NEO1: variants seen among roughly 807,000 people sequenced by gnomAD.
The protein encoded by NEO1 is neogenin 1, also known as neogenin.
Under a neutral mutation model 159.7 loss-of-function variants are expected in NEO1, and 63 were observed. The observed-to-expected ratio is 0.39, with a 90% confidence interval of 0.32 to 0.49. NEO1 has a LOEUF of 0.49. Among genes scored for constraint, NEO1 ranks in the 20% least tolerant of loss-of-function variants. The pLI is 0.85. For missense variants in NEO1, 1,615 were observed against 1,831.0 expected (o/e 0.88, Z 2.15); for synonymous variants, 633 against 662.0 (o/e 0.96, Z 0.67).
chr15:73,191,231 A>G (rs1019141277), intron 7 of NEO1, among the ~76,000 whole-genome samples: 11 of 152,218 alleles, frequency 7.2e-5, no homozygotes, highest in Admixed American at 6.5e-4. Flanking sequence ...GTTACCTATA[A>G]CTCTAAACAG....
intron 15 of NEO1, among the ~76,000 whole-genome samples, chr15:73,262,320 G>A (rs1462873672): frequency 6.6e-6 from 1 of 152,028 alleles, no homozygotes; most frequent in Non-Finnish European, 1.5e-5. Context: ...AAAATGAAAA[G>A]GCAAGCCACA....
intron 1 of NEO1, among the ~76,000 whole-genome samples, chr15:73,072,286 A>G (rs544728700): frequency 2.0e-5 from 3 of 151,960 alleles, no homozygotes; most frequent in South Asian, 4.2e-4. Context: ...GTGAAATGTC[A>G]TTAGAATTTG....
intron 6 of NEO1, among the ~76,000 whole-genome samples, chr15:73,177,212 T>C (rs1176996743): frequency 6.6e-6 from 1 of 152,136 alleles, no homozygotes; most frequent in Non-Finnish European, 1.5e-5. Context: ...TACCTACTAT[T>C]ATCATCAATA....
chr15:73,239,938 C>T (rs984833419), intron 8 of NEO1, among the ~76,000 whole-genome samples: 11 of 152,076 alleles, frequency 7.2e-5, no homozygotes, highest in East Asian at 3.9e-4. Flanking sequence ...CCTCATCCCT[C>T]GGGATATTTG....
chr15:73,145,905 A>G (rs1032095812), intron 5 of NEO1, among the ~76,000 whole-genome samples: 1 of 152,188 alleles, frequency 6.6e-6, no homozygotes, highest in Non-Finnish European at 1.5e-5. Context: ...TTCTGAGTCC[A>G]TTAATGAGTG....
At chr15:73,053,139 A>G (rs966840906) in intron 1 of NEO1, among the ~76,000 whole-genome samples, 1 of 152,106 alleles carries the variant, frequency 6.6e-6, no homozygotes, top group Non-Finnish European at 1.5e-5. Flanking sequence ...TGCTCACACT[A>G]GCACCAGTAG....
chr15:73,141,974 C>T lies in NEO1; in HGVS notation c.1015+5947C>T, dbSNP rs762135892. On this transcript the variant is annotated intron_variant, in intron 5 of 28. Coordinates refer to ENST00000261908, the MANE Select transcript of NEO1 (RefSeq NM_002499.4). The stretch of plus-strand genomic sequence containing the variant: ...GATTGAGAGCAATCTTGCCCCAGTG[C>T]GCCTGGATTCCAGTCTCAGCTCTGT... 3.3e-5 allele frequency among the ~76,000 whole-genome samples: 5 copies of T among 152,170 alleles called. No individual in the cohort carries two copies. In the South Asian group the frequency reaches 6.2e-4, roughly 19 times the overall value.
At chr15:73,291,092 C>T (rs2042148271) in intron 25 of NEO1, among the ~76,000 whole-genome samples, 1 of 152,132 alleles carries the variant, frequency 6.6e-6, no homozygotes, top group South Asian at 2.1e-4. Flanking sequence ...AGGGGAAAAC[C>T]ATGGTTTCCC....
rs532086321 is a variant in NEO1 at position 73,254,740 on chromosome 15, G to A, written c.2003G>A (p.Gly668Asp). 3 of 1,614,046 alleles carry A rather than the reference G, an allele frequency of 1.9e-6. No individual in the cohort carries two copies. Among genetic ancestry groups the A allele is most frequent in the South Asian group, 1.1e-5 (1 of 91,072 alleles). Residue 668 changes from glycine (G) to aspartate (D), a missense_variant, in exon 13 of 29, where the codon GGC (glycine) becomes GAC (aspartate). Gly to Asp is a moderately conservative substitution (Grantham distance 94, BLOSUM62 -1). Coordinates refer to ENST00000261908, the MANE Select transcript of NEO1 (RefSeq NM_002499.4). ...APATQNGQIT[G>D]YKIRYRKASR... Reference sequence around the variant, plus strand: ...GCCACACAAAATGGGCAGATTACTGGCTACAAGATTCGCTACCGAAAGGCC... The same window carrying A: ...GCCACACAAAATGGGCAGATTACTGACTACAAGATTCGCTACCGAAAGGCC...
intron 1 of NEO1, among the ~76,000 whole-genome samples, chr15:73,115,395 A>T (rs1414887166): frequency 1.3e-5 from 2 of 152,226 alleles, no homozygotes; most frequent in African/African-American, 4.8e-5. Flanking sequence ...TAGTCTGATT[A>T]GAATTAGAAT....
chr15:73,278,225 T>G, intron 22 of NEO1, 26 bp downstream of exon 22: 1 of 1,605,292 alleles, frequency 6.2e-7, no homozygotes, highest in Non-Finnish European at 8.5e-7. Flanking sequence ...TGGCGTTTTT[T>G]GCTTACTATG....
Position 73,298,573 on chromosome 15 carries a change from A to G in NEO1, c.4127A>G (p.Asp1376Gly). ...AIPPPGPPTY[D>G]PALPSTPLLS... ...CCGCCTCCAGGACCTCCCACCTATG[A>G]TCCTGCATTGCCAAGCACACCATTA... Residue 1376 changes from aspartate (D) to glycine (G), a missense_variant, in exon 27 of 29, where the codon GAT becomes GGT. Asp to Gly is a moderately conservative substitution (Grantham distance 94). Coordinates refer to ENST00000261908, the MANE Select transcript of NEO1 (RefSeq NM_002499.4). The G allele has an allele frequency of 6.2e-7, 1 of 1,614,150 alleles. No homozygotes were observed. The highest frequency in any genetic ancestry group is 8.5e-7 in the Non-Finnish European group (1 of 1,180,024).
intron 1 of NEO1, among the ~76,000 whole-genome samples, chr15:73,064,144 A>G (rs1284063507): frequency 2.6e-5 from 4 of 152,298 alleles, no homozygotes; most frequent in South Asian, 4.1e-4. Context: ...TCTGTTTCAG[A>G]GTCAGCCTTG....
Position 73,270,369 on chromosome 15 carries a change from A to T in NEO1, c.2772A>T (p.Thr924=), listed in dbSNP as rs376957301. The change falls in exon 18 of 29, where the codon ACA becomes ACT. Residue 924 remains threonine, a synonymous_variant. Transcript: ENST00000261908. The stretch of plus-strand genomic sequence containing the variant: ...TGGTGACTGGTTTAAAGCCGAATAC[A>T]CTCTATGAATTCTCTGTGATGGTGA... The part of the protein sequence containing the change: ...SYLVTGLKPN[T]LYEFSVMVTK... The T allele has an allele frequency of 2.5e-6, 4 of 1,614,058 alleles. No homozygotes were observed. Among genetic ancestry groups the T allele is most frequent in the Middle Eastern group, 1.6e-4 (1 of 6,084 alleles).
chr15:73,192,090 T>G (rs2036264781), intron 7 of NEO1, among the ~76,000 whole-genome samples: 1 of 152,030 alleles, frequency 6.6e-6, no homozygotes, highest in Non-Finnish European at 1.5e-5. Flanking sequence ...AATTATACCT[T>G]TTATTGTCTA....
chr15:73,253,757 T>A (rs1405476361), intron 12 of NEO1, among the ~76,000 whole-genome samples: 1 of 152,224 alleles, frequency 6.6e-6, no homozygotes, highest in Non-Finnish European at 1.5e-5. Context: ...GCAATTAAAT[T>A]GCTCTTTTTC....
intron 1 of NEO1, among the ~76,000 whole-genome samples, chr15:73,065,153 T>A (rs904734064): frequency 3.9e-5 from 6 of 152,216 alleles, no homozygotes; most frequent in Non-Finnish European, 7.3e-5. Context: ...AATGTTATTA[T>A]GTTATTGTTG....
At chr15:73,285,605 CTTTTCTTCCTCT>C (rs2041913553) in intron 23 of NEO1, among the ~76,000 whole-genome samples, 1 of 152,142 alleles carries the variant, frequency 6.6e-6, no homozygotes. Flanking sequence ...TTTCTTCCTA[CTTTTCTTCCTCT>C]GTAATACCTG....
intron 5 of NEO1, among the ~76,000 whole-genome samples, chr15:73,156,208 G>T (rs117453436): frequency 6.6e-6 from 1 of 152,312 alleles, no homozygotes; most frequent in Non-Finnish European, 1.5e-5. Flanking sequence ...AGGATTCTGT[G>T]TGATTTCCTT....
Sources: gnomAD v4.1 joint callset for allele counts (sites outside exome capture counted in the v4.1 genomes callset) on GRCh38, gnomAD v4.1.1 for gene constraint, MANE v1.5 for transcripts, NCBI Gene and HGNC (gene_info 2026-07-23, HGNC 2026-07-21) for gene names.